CDKAL1: variants seen among roughly 807,000 people sequenced by gnomAD.
CDKAL1 encodes threonylcarbamoyladenosine tRNA methylthiotransferase.
In CDKAL1, 32 loss-of-function variants were observed where a neutral mutation model predicts 68.2. That is an observed-to-expected ratio of 0.47 (90% confidence interval 0.35 to 0.63). The LOEUF (loss-of-function observed/expected upper bound fraction) is 0.63, where lower values mean the gene tolerates loss of function less well. CDKAL1 is among the 30% of genes least tolerant of loss of function. CDKAL1 has a pLI of 0.00. For missense variants in CDKAL1, 606 were observed against 696.7 expected (o/e 0.87, Z 1.47); for synonymous variants, 234 against 244.3 (o/e 0.96, Z 0.39).
chr6:20,589,313 A>G (rs894543353), intron 4 of CDKAL1, among the ~76,000 whole-genome samples: 17 of 149,790 alleles, frequency 1.1e-4, no homozygotes, highest in African/African-American at 4.1e-4. Flanking sequence ...ACACTAGTAA[A>G]AAGCAGTTAG....
intron 12 of CDKAL1, among the ~76,000 whole-genome samples, chr6:21,090,501 A>G (rs1021439754): frequency 6.6e-6 from 1 of 152,250 alleles, no homozygotes; most frequent in East Asian, 1.9e-4. Flanking sequence ...CTGAGTTGTA[A>G]CATTCTACTT....
chr6:21,181,236 A>G (rs532173871), intron 13 of CDKAL1, among the ~76,000 whole-genome samples: 14 of 152,378 alleles, frequency 9.2e-5, no homozygotes, highest in African/African-American at 3.1e-4. Context: ...TAAAGATTCT[A>G]CATCTCAACA....
At position 20,744,842 on chromosome 6, in the gene CDKAL1, T is replaced by G. The variant is rs182736978; in HGVS notation, c.468+5227T>G. Among the ~76,000 whole-genome samples, 17 of 152,350 alleles carry G rather than the reference T, an allele frequency of 1.1e-4. 1 individual carries two copies. The highest frequency in any genetic ancestry group is 6.5e-4 in the Admixed American group (10 of 15,306). ...TTGTGTGCTTTGTGTAGTTTTTCTG[T>G]GTTATTAACAAGGACCACATTTGAA... is the stretch of plus-strand genomic sequence containing the variant. On this transcript the variant is annotated intron_variant, in intron 6 of 15. Coordinates refer to ENST00000274695, the MANE Select transcript of CDKAL1 (RefSeq NM_017774.3).
At chr6:20,844,234 T>C (rs571340509) in intron 8 of CDKAL1, among the ~76,000 whole-genome samples, 10 of 152,272 alleles carry the variant, frequency 6.6e-5, no homozygotes, top group East Asian at 1.9e-4. Flanking sequence ...TTAAATAGCT[T>C]CATATTTAGC....
chr6:21,128,874 G>A (rs1391709454), intron 13 of CDKAL1, among the ~76,000 whole-genome samples: 1 of 152,154 alleles, frequency 6.6e-6, no homozygotes, highest in Admixed American at 6.5e-5. Context: ...CAGCATAATG[G>A]ACCATTGTAC....
At chr6:21,124,932 A>T (rs1159923896) in intron 13 of CDKAL1, among the ~76,000 whole-genome samples, 1 of 151,938 alleles carries the variant, frequency 6.6e-6, no homozygotes, top group Non-Finnish European at 1.5e-5. Context: ...CCTGGCTAGT[A>T]GCTCCTTACC....
chr6:20,836,236 T>C (rs1777935767), intron 8 of CDKAL1, among the ~76,000 whole-genome samples: 3 of 152,186 alleles, frequency 2.0e-5, no homozygotes, highest in Admixed American at 6.5e-5. Context: ...AAACTGACGA[T>C]TATGTTACAA....
intron 4 of CDKAL1, among the ~76,000 whole-genome samples, chr6:20,587,737 CAAACA>C (rs1561945823): frequency 6.6e-6 from 1 of 150,390 alleles, no homozygotes; most frequent in Non-Finnish European, 1.5e-5. Flanking sequence ...TGTCTGAAAA[CAAACA>C]AACAAACAAA....
chr6:21,220,298 G>A (rs1021493756), intron 15 of CDKAL1, among the ~76,000 whole-genome samples: 2 of 152,122 alleles, frequency 1.3e-5, no homozygotes, highest in African/African-American at 4.8e-5. Context: ...ACAAGTTCTA[G>A]AATAATTTCC....
chr6:20,557,442 GAAAC>G (rs1183699484), intron 4 of CDKAL1, among the ~76,000 whole-genome samples: 1 of 152,104 alleles, frequency 6.6e-6, no homozygotes, highest in Non-Finnish European at 1.5e-5. Context: ...TATATACAGA[GAAAC>G]AAAGCCTTTC....
intron 10 of CDKAL1, among the ~76,000 whole-genome samples, chr6:20,988,104 T>G (rs976582913): frequency 6.6e-6 from 1 of 152,064 alleles, no homozygotes; most frequent in Non-Finnish European, 1.5e-5. Flanking sequence ...ATTTTAAACA[T>G]CTCTAAACTT....
intron 13 of CDKAL1, among the ~76,000 whole-genome samples, chr6:21,153,388 TAA>T (rs1331699979): frequency 6.6e-6 from 1 of 152,202 alleles, no homozygotes; most frequent in African/African-American, 2.4e-5. Context: ...TCTATTCTGA[TAA>T]GTTAGCGAAC....
At chr6:20,822,158 C>G (rs1245229025) in intron 8 of CDKAL1, among the ~76,000 whole-genome samples, 1 of 151,940 alleles carries the variant, frequency 6.6e-6, no homozygotes, top group African/African-American at 2.4e-5. Flanking sequence ...TATGCCAGCC[C>G]CTGATATAGA....
At chr6:21,023,661 C>G (rs1009262227) in intron 11 of CDKAL1, among the ~76,000 whole-genome samples, 2 of 151,990 alleles carry the variant, frequency 1.3e-5, no homozygotes, top group African/African-American at 4.8e-5. Flanking sequence ...ACTATTTTGT[C>G]TTCTAGAGAA....
chr6:20,591,233 T>C (rs1182216220), intron 4 of CDKAL1, among the ~76,000 whole-genome samples: 1 of 152,190 alleles, frequency 6.6e-6, no homozygotes, highest in African/African-American at 2.4e-5. Context: ...GTTTAAGTTC[T>C]TTGTAGATTC....
intron 8 of CDKAL1, among the ~76,000 whole-genome samples, chr6:20,782,530 C>G (rs1775476105): frequency 1.3e-5 from 2 of 152,142 alleles, no homozygotes; most frequent in Admixed American, 6.5e-5. Context: ...TAATACTTTC[C>G]CGCAACTCCT....
At chr6:21,111,519 C>T (rs1774119606) in intron 13 of CDKAL1, among the ~76,000 whole-genome samples, 1 of 152,180 alleles carries the variant, frequency 6.6e-6, no homozygotes, top group African/African-American at 2.4e-5. Flanking sequence ...ACCCCAGACA[C>T]AGGAAAGTCA....
rs1301644026 is a variant in CDKAL1 at position 21,122,874 on chromosome 6, G to A, written c.1299+14411G>A. On this transcript the variant is annotated intron_variant, in intron 13 of 15. Transcript: ENST00000274695. ...TGCCCAGGCTGGTCTCAAACTACTG[G>A]CTTTTAGCGATCCTCCCACCTTGGC... is the stretch of plus-strand genomic sequence containing the variant. Among the ~76,000 whole-genome samples the A allele has an allele frequency of 2.4e-4, 35 of 148,626 alleles. No homozygotes were observed. In the Admixed American group the frequency reaches 2.4e-3, roughly 10 times the overall value.
intron 4 of CDKAL1, among the ~76,000 whole-genome samples, chr6:20,636,155 CAA>C (rs905522832): frequency 2.6e-5 from 4 of 152,094 alleles, no homozygotes; most frequent in African/African-American, 9.7e-5. Flanking sequence ...TCAGGGGAGA[CAA>C]GAGGGACAAG....
Sources: gnomAD v4.1 joint callset for allele counts (sites outside exome capture counted in the v4.1 genomes callset) on GRCh38, gnomAD v4.1.1 for gene constraint, MANE v1.5 for transcripts, NCBI Gene and HGNC (gene_info 2026-07-23, HGNC 2026-07-21) for gene names.